The following BRSK2 variants were observed in gnomAD, a reference collection of about 807,000 sequenced individuals.
The protein encoded by BRSK2 is BR serine/threonine kinase 2.
Under a neutral mutation model 83.3 loss-of-function variants are expected in BRSK2, and 19 were observed. That is an observed-to-expected ratio of 0.23 (90% CI 0.16 to 0.33). The LOEUF (loss-of-function observed/expected upper bound fraction) is 0.33. Ranked by LOEUF, BRSK2 falls within the 10% of genes least tolerant of loss-of-function variation. The pLI is 1.00. For synonymous variants in BRSK2, 519 were observed against 435.4 expected, an observed-to-expected ratio of 1.19 and a Z score of -2.39; for missense variants, 798 against 1,042.3, an observed-to-expected ratio of 0.77 and a Z score of 3.23.
intron 1 of BRSK2, among the ~76,000 whole-genome samples, chr11:1,398,885 C>T (rs1846289452): frequency 6.6e-6 from 1 of 152,196 alleles, no homozygotes; most frequent in African/African-American, 2.4e-5. Flanking sequence ...GCCTGGAGCC[C>T]CCCCAGCCCC....
chr11:1,461,159 C>A lies in BRSK2; in HGVS notation c.*436C>A. 1 of 1,031,684 alleles carries A rather than the reference C, an allele frequency of 9.7e-7. No homozygotes were observed. The highest frequency in any genetic ancestry group is 2.9e-5 in the Admixed American group (1 of 34,138). 63.9% of individuals were successfully genotyped at this position (1,031,684 alleles called of 1,614,324 possible). A position where few individuals can be genotyped will look rare whatever the true frequency, so the allele number is the denominator to read the frequency against. On this transcript the variant is annotated 3_prime_UTR_variant, in exon 20 of 20. Transcript: ENST00000528841. ...CACGGCCCGTGGGAGGAAGGCCAGGCTCGGGGGAGCCTCCTCCAGCCCGGC... is the reference window on the plus strand; with the variant it reads ...CACGGCCCGTGGGAGGAAGGCCAGGATCGGGGGAGCCTCCTCCAGCCCGGC...
chr11:1,438,282 T>A lies in BRSK2; in HGVS notation c.187-24T>A. On this transcript the variant is annotated intron_variant, in intron 2 of 19. Coordinates refer to ENST00000528841, the MANE Select transcript of BRSK2 (RefSeq NM_001256627.2). The surrounding 1 kb of genome is among the most constrained non-coding windows in gnomAD (Gnocchi z 6.4). ...GCGTGCCCCAGCCCTGTGAGCGTGATGTTCTCTGGCCTCTCCCATGCAGGT... is the reference window on the plus strand; with the variant it reads ...GCGTGCCCCAGCCCTGTGAGCGTGAAGTTCTCTGGCCTCTCCCATGCAGGT... The A allele has an allele frequency of 1.9e-6, 3 of 1,611,242 alleles. No homozygotes were observed. Among genetic ancestry groups the A allele is most frequent in the Non-Finnish European group, 2.5e-6 (3 of 1,177,648 alleles).
Position 1,390,403 on chromosome 11 carries a change from G to A in BRSK2, c.91+28G>A, listed in dbSNP as rs2133992244. On this transcript the variant is annotated intron_variant, in intron 1 of 19. Transcript: ENST00000528841. This position sits in a 1 kb window ranked among gnomAD's most constrained non-coding sequence, Gnocchi z 6.8. ...GCGTGCGGCCGGGGCGGGGACCGGG[G>A]CCGGGGAGGCCGCGCTGGCAGCGCG... The A allele has an allele frequency of 2.0e-6, 2 of 1,005,738 alleles. No individual in the cohort carries two copies. The highest frequency in any genetic ancestry group is 2.4e-6 in the Non-Finnish European group (2 of 836,452). 62.3% of individuals were successfully genotyped at this position (1,005,738 alleles called of 1,614,324 possible).
intron 18 of BRSK2, chr11:1,456,958 C>A: frequency 6.3e-7 from 1 of 1,597,326 alleles, no homozygotes; most frequent in Non-Finnish European, 8.5e-7. Context: ...ACCGTAGAAC[C>A]CCCCCCACCA....
Position 1,461,466 on chromosome 11 carries a change from T to C in BRSK2, c.*743T>C. 4.7e-6 allele frequency: 1 copy of C among 214,284 alleles called. No homozygotes were observed. The highest frequency in any genetic ancestry group is 9.2e-6 in the Non-Finnish European group (1 of 108,420). The allele number at this position is 214,284 out of a possible 1,614,324, so 13.3% of individuals were successfully genotyped here. ...GTGGGCTCTGGCGCTCCTCTCTGGC[T>C]GAGGTGGAAACAGAGACACCCTGCG... On this transcript the variant is annotated 3_prime_UTR_variant, in exon 20 of 20. Transcript: ENST00000528841.
At chr11:1,396,744 C>T (rs754721043) in intron 1 of BRSK2, among the ~76,000 whole-genome samples, 3 of 152,224 alleles carry the variant, frequency 2.0e-5, no homozygotes, top group African/African-American at 7.2e-5. Context: ...GCTGGGCAGC[C>T]GGCACCAGGA....
At chr11:1,398,000 G>T (rs1299079975) in intron 1 of BRSK2, among the ~76,000 whole-genome samples, 6 of 152,352 alleles carry the variant, frequency 3.9e-5, no homozygotes, top group Non-Finnish European at 8.8e-5. Flanking sequence ...AGAGGTGGGA[G>T]GGCGCCTGGA....
chr11:1,449,521 C>G (rs1289666242), intron 12 of BRSK2, among the ~76,000 whole-genome samples: 2 of 152,204 alleles, frequency 1.3e-5, no homozygotes, highest in East Asian at 3.9e-4. Context: ...ATGCCGTATC[C>G]TGTGCTGTGC....
chr11:1,420,404 G>T (rs1848536178), intron 1 of BRSK2, among the ~76,000 whole-genome samples: 1 of 152,218 alleles, frequency 6.6e-6, no homozygotes, highest in African/African-American at 2.4e-5. Flanking sequence ...CTGGCTAACA[G>T]ACATTTTCAG....
intron 1 of BRSK2, among the ~76,000 whole-genome samples, chr11:1,392,604 C>T (rs1223380913): frequency 6.6e-6 from 1 of 152,200 alleles, no homozygotes; most frequent in African/African-American, 2.4e-5. Context: ...CAAGCTGGGG[C>T]CTGCTGGACG....
intron 1 of BRSK2, among the ~76,000 whole-genome samples, chr11:1,428,697 T>C (rs1849531005): frequency 6.6e-6 from 1 of 152,258 alleles, no homozygotes; most frequent in South Asian, 2.1e-4. Context: ...CTCCTGTCAT[T>C]CAAGGATGTG....
intron 1 of BRSK2, among the ~76,000 whole-genome samples, chr11:1,421,095 C>T (rs1244544723): frequency 1.3e-5 from 2 of 152,194 alleles, no homozygotes; most frequent in African/African-American, 4.8e-5. Flanking sequence ...TGCCTGTGGG[C>T]TCCTGGCTTG....
At chr11:1,458,843 C>T (rs1040789481) in intron 18 of BRSK2, among the ~76,000 whole-genome samples, 4 of 152,204 alleles carry the variant, frequency 2.6e-5, no homozygotes, top group African/African-American at 7.2e-5. Flanking sequence ...GGATGCAGGC[C>T]ACGGCCAGGG....
intron 1 of BRSK2, among the ~76,000 whole-genome samples, chr11:1,433,716 C>G (rs1849896024): frequency 6.6e-6 from 1 of 152,254 alleles, no homozygotes; most frequent in South Asian, 2.1e-4. Flanking sequence ...CTAGGCCCTC[C>G]TGAGTGCTCC....
At chr11:1,391,853 ATGTGC>A (rs1305395892) in intron 1 of BRSK2, among the ~76,000 whole-genome samples, 2 of 152,160 alleles carry the variant, frequency 1.3e-5, no homozygotes, top group Non-Finnish European at 2.9e-5. Flanking sequence ...ACGATGAGTT[ATGTGC>A]TGTGCGCGGC....
At chr11:1,446,019 T>C (rs932722972) in intron 12 of BRSK2, 112 bp downstream of exon 12, 1 of 1,282,020 alleles carries the variant, frequency 7.8e-7, no homozygotes, top group Non-Finnish European at 1.0e-6. Flanking sequence ...GGCCATTGGG[T>C]GGGGCTGTAT....
chr11:1,395,566 G>A (rs1017849193), intron 1 of BRSK2, among the ~76,000 whole-genome samples: 3 of 152,208 alleles, frequency 2.0e-5, no homozygotes, highest in African/African-American at 7.2e-5. Context: ...CGGGAGGGTC[G>A]TTGGAGGCGG....
intron 1 of BRSK2, among the ~76,000 whole-genome samples, chr11:1,414,824 G>C (rs9971384): frequency 0.27 from 41,023 of 152,060 alleles, 5,695 homozygotes; most frequent in Middle Eastern, 0.44. Flanking sequence ...CTGTGCGTCC[G>C]TCTGCGTCTG....
chr11:1,419,255 C>T (rs375561301), intron 1 of BRSK2, among the ~76,000 whole-genome samples: 4 of 151,736 alleles, frequency 2.6e-5, no homozygotes, highest in African/African-American at 9.7e-5. Flanking sequence ...TGTTTGTGGG[C>T]TCTGCAGGTG....
Sources: allele counts gnomAD v4.1 joint callset (sites outside exome capture counted in the v4.1 genomes callset), GRCh38; gene constraint gnomAD v4.1.1; non-coding constraint Gnocchi (gnomAD v3.1); transcripts MANE v1.5; gene names NCBI Gene and HGNC (gene_info 2026-07-23, HGNC 2026-07-21).